SYTL3: variants seen among roughly 807,000 people sequenced by gnomAD.
SYTL3 encodes the protein synaptotagmin like 3, also known as synaptotagmin-like protein 3.
In SYTL3, 88 loss-of-function variants were observed where a neutral mutation model predicts 82.1. The observed-to-expected ratio is 1.07, with a 90% confidence interval of 0.90 to 1.28. The LOEUF is 1.28. SYTL3 is among the 50% of genes most tolerant of loss of function. The pLI, the probability that SYTL3 is intolerant of heterozygous loss-of-function variation, is 0.00. For missense variants in SYTL3, 831 were observed against 757.6 expected, an observed-to-expected ratio of 1.10 and a Z score of -1.14; for synonymous variants, 311 against 289.4, an observed-to-expected ratio of 1.07 and a Z score of -0.76.
chr6:158,670,706 C>T (rs752747058), intron 5 of SYTL3, among the ~76,000 whole-genome samples: 5 of 151,876 alleles, frequency 3.3e-5, no homozygotes, highest in Admixed American at 2.0e-4. Context: ...TCGCTGGAAC[C>T]GGGGGGCGAA....
At chr6:158,699,321 C>T (rs1297677426) in intron 6 of SYTL3, among the ~76,000 whole-genome samples, 1 of 152,154 alleles carries the variant, frequency 6.6e-6, no homozygotes, top group Admixed American at 6.5e-5. Flanking sequence ...AATTGCAGTC[C>T]AGGGCACTGG....
At chr6:158,761,723 A>G (rs1361126196) in intron 15 of SYTL3, among the ~76,000 whole-genome samples, 1 of 152,212 alleles carries the variant, frequency 6.6e-6, no homozygotes, top group Non-Finnish European at 1.5e-5. Context: ...CCCCATGGCC[A>G]TCCCAACCTC....
intron 5 of SYTL3, among the ~76,000 whole-genome samples, chr6:158,677,313 A>C (rs1280351842): frequency 6.6e-6 from 1 of 152,180 alleles, no homozygotes; most frequent in Non-Finnish European, 1.5e-5. Flanking sequence ...AGGACAAAAA[A>C]CCAAACACCG....
chr6:158,688,814 T>G (rs1779557399), intron 6 of SYTL3, among the ~76,000 whole-genome samples: 1 of 152,238 alleles, frequency 6.6e-6, no homozygotes. Context: ...CATAGACTTT[T>G]TTGAAGTATT....
At chr6:158,687,926 T>C (rs183104040) in intron 6 of SYTL3, among the ~76,000 whole-genome samples, 53 of 152,354 alleles carry the variant, frequency 3.5e-4, no homozygotes, top group Admixed American at 3.9e-4. Context: ...TACTGTAAAT[T>C]ACATGCACGT....
At position 158,733,924 on chromosome 6, in the gene SYTL3, C is replaced by T. The variant is rs374344252; in HGVS notation, c.855+8287C>T. Among the ~76,000 whole-genome samples the T allele has an allele frequency of 8.8e-4, 133 of 151,158 alleles. No individual in the cohort carries two copies. The East Asian group carries it at 0.012, about 14-fold the overall frequency. On this transcript the variant is annotated intron_variant, in intron 11 of 17. Coordinates refer to ENST00000611299, the MANE Select transcript of SYTL3 (RefSeq NM_001242394.2). ...CATCCTGGCTAACACGGTGAAACCC[C>T]GTCTCTACTAAAAATACAAAAAAAT...
intron 2 of SYTL3, among the ~76,000 whole-genome samples, chr6:158,659,042 C>T (rs892955861): frequency 2.6e-5 from 4 of 152,278 alleles, no homozygotes; most frequent in South Asian, 2.1e-4. Flanking sequence ...GCTTGAGTGA[C>T]ATGGTTTATA....
At chr6:158,658,941 G>T (rs2128356989) in intron 2 of SYTL3, among the ~76,000 whole-genome samples, 1 of 152,090 alleles carries the variant, frequency 6.6e-6, no homozygotes, top group South Asian at 2.1e-4. Context: ...AAAAAAGAGG[G>T]TATGTCTCAA....
chr6:158,723,116 A>G (rs1233063860), intron 10 of SYTL3, among the ~76,000 whole-genome samples: 3 of 112,440 alleles, frequency 2.7e-5, no homozygotes, highest in African/African-American at 1.1e-4. Flanking sequence ...TTTTTTTGAG[A>G]CAGAGTCTTG....
intron 11 of SYTL3, among the ~76,000 whole-genome samples, chr6:158,740,832 T>G (rs948526218): frequency 2.6e-5 from 4 of 152,196 alleles, no homozygotes; most frequent in Non-Finnish European, 5.9e-5. Context: ...AAAAGTAGGA[T>G]CCATTACAAT....
chr6:158,705,971 G>A (rs1296161563), intron 6 of SYTL3, among the ~76,000 whole-genome samples: 1 of 152,104 alleles, frequency 6.6e-6, no homozygotes, highest in African/African-American at 2.4e-5. Flanking sequence ...GCTGTTTTTT[G>A]CTTGGACCTG....
intron 9 of SYTL3, among the ~76,000 whole-genome samples, chr6:158,717,159 A>G (rs1783516942): frequency 6.6e-6 from 1 of 152,124 alleles, no homozygotes; most frequent in African/African-American, 2.4e-5. Context: ...CTGTAATCCC[A>G]GCTACTTGGG....
chr6:158,751,963 C>T lies in SYTL3; in HGVS notation c.1070C>T (p.Ser357Phe), dbSNP rs200664110. ...VKTYLLPDRS[S>F]QGKRKTGVQR... ...ACCTACCTGTTGCCCGACAGATCCT[C>T]CCAGGGAAAGCGCAAGACTGGAGTC... Residue 357 changes from serine to phenylalanine, a missense_variant, in exon 13 of 18, where the codon TCC becomes TTC. Ser to Phe is a radical substitution (Grantham distance 155). Coordinates refer to ENST00000611299, the MANE Select transcript of SYTL3 (RefSeq NM_001242394.2). 10 of 1,602,930 alleles carry T rather than the reference C, an allele frequency of 6.2e-6. No homozygotes were observed. The highest frequency in any genetic ancestry group is 1.3e-5 in the African/African-American group (1 of 74,372).
chr6:158,682,056 C>T (rs1178312575), intron 5 of SYTL3, among the ~76,000 whole-genome samples: 1 of 152,150 alleles, frequency 6.6e-6, no homozygotes. Context: ...TCTCCTGCCT[C>T]AGCCTCCCGA....
intron 5 of SYTL3, among the ~76,000 whole-genome samples, chr6:158,677,743 T>TA (rs370060453): frequency 1.4e-4 from 18 of 128,836 alleles, no homozygotes; most frequent in East Asian, 4.5e-4. Context: ...CTATTTGAAA[T>TA]AAAAAAAATA....
intron 11 of SYTL3, among the ~76,000 whole-genome samples, chr6:158,731,628 C>T (rs1785430160): frequency 6.6e-6 from 1 of 152,172 alleles, no homozygotes; most frequent in Non-Finnish European, 1.5e-5. Context: ...GTGTCTCGCT[C>T]TGTCACCCAG....
At chr6:158,646,308 G>C (rs1378272933), upstream of SYTL3, among the ~76,000 whole-genome samples, 1 of 152,062 alleles carries the variant, frequency 6.6e-6, no homozygotes, top group Non-Finnish European at 1.5e-5. Context: ...TGGGATTCCA[G>C]GCACTAGCCA....
At chr6:158,754,054 C>G (rs1215656900) in intron 13 of SYTL3, among the ~76,000 whole-genome samples, 1 of 152,154 alleles carries the variant, frequency 6.6e-6, no homozygotes, top group African/African-American at 2.4e-5. Flanking sequence ...ATCACAATCA[C>G]ACCTTTGTGC....
Position 158,757,301 on chromosome 6 carries a change from G to T in SYTL3, c.1228G>T (p.Glu410Ter). Residue 410 changes from glutamate to a stop codon, truncating the protein, a stop_gained, in exon 14 of 18, where the codon GAA becomes TAA. Transcript: ENST00000611299. LOFTEE classifies it high-confidence loss of function. ...GCTGGCCCGGAGAGTGTTTCTTGGA[G>T]AAGTGATCATTCCTCTGGCCACGTG... ...GTLARRVFLG[E>*]VIIPLATWDF... 1 of 1,614,002 alleles carries T rather than the reference G, an allele frequency of 6.2e-7. No individual in the cohort carries two copies. Among genetic ancestry groups the T allele is most frequent in the South Asian group, 1.1e-5 (1 of 91,080 alleles).
Sources: gnomAD v4.1 joint callset for allele counts (sites outside exome capture counted in the v4.1 genomes callset) on GRCh38, gnomAD v4.1.1 for gene constraint, MANE v1.5 for transcripts, NCBI Gene and HGNC (gene_info 2026-07-23, HGNC 2026-07-21) for gene names.